The following ERC2 variants were observed in gnomAD, a reference collection of about 807,000 sequenced individuals.
ERC2 encodes the protein ERC protein 2.
A neutral mutation model predicts 114.8 loss-of-function variants in ERC2; 42 were observed. The ratio of observed to expected loss-of-function variants is 0.37; its 90% confidence interval spans 0.29 to 0.47. The LOEUF is 0.47. Among genes scored for constraint, ERC2 ranks in the 20% least tolerant of loss-of-function variants. ERC2 has a pLI of 0.99. For missense variants in ERC2, 939 were observed against 1,150.7 expected (o/e 0.82, Z 2.66); for synonymous variants, 454 against 425.5 (o/e 1.07, Z -0.82).
intron 7 of ERC2, among the ~76,000 whole-genome samples, chr3:56,069,896 G>A (rs1519032): frequency 0.93 from 141,735 of 152,214 alleles, 66,334 homozygotes; most frequent in East Asian, 1. Context: ...TTAGTCTGCA[G>A]AAGTTGTAGT....
chr3:56,245,887 G>A lies in ERC2; in HGVS notation c.1074+50132C>T, dbSNP rs2051662007. 2.0e-5 allele frequency among the ~76,000 whole-genome samples: 3 copies of A among 152,012 alleles called. No individual in the cohort carries two copies. The South Asian group carries it at 6.2e-4, about 31-fold the overall frequency. ...ACAAAATTTCCTTCCCTACCTGAAT[G>A]CTCCTTTATGAGATAGCTCCAGACA... is the stretch of plus-strand genomic sequence containing the variant. On this transcript the variant is annotated intron_variant, in intron 3 of 17. Transcript: ENST00000288221.
chr3:56,235,817 G>A (rs1411318894), intron 3 of ERC2, among the ~76,000 whole-genome samples: 1 of 152,214 alleles, frequency 6.6e-6, no homozygotes, highest in African/African-American at 2.4e-5. Flanking sequence ...CATGTGGCTA[G>A]CGGCTACCAT....
chr3:55,529,741 T>G (rs1039657046), intron 17 of ERC2, among the ~76,000 whole-genome samples: 1 of 152,188 alleles, frequency 6.6e-6, no homozygotes, highest in African/African-American at 2.4e-5. Flanking sequence ...GGGGAGAAAC[T>G]GCTGCATCAC....
intron 14 of ERC2, among the ~76,000 whole-genome samples, chr3:55,775,698 A>T (rs561965360): frequency 6.6e-6 from 1 of 152,320 alleles, no homozygotes; most frequent in African/African-American, 2.4e-5. Flanking sequence ...GACAGAAAAG[A>T]TACTGAGAGG....
chr3:56,222,167 T>G (rs1470763919), intron 3 of ERC2, among the ~76,000 whole-genome samples: 2 of 152,196 alleles, frequency 1.3e-5, no homozygotes, highest in Non-Finnish European at 2.9e-5. Context: ...CTGAGGGTAC[T>G]ACATCCATGT....
intron 2 of ERC2, among the ~76,000 whole-genome samples, chr3:56,369,025 C>T (rs2059261239): frequency 6.6e-6 from 1 of 152,164 alleles, no homozygotes; most frequent in East Asian, 1.9e-4. Context: ...AAGTCGCCAG[C>T]TTTCAGAAGC....
chr3:55,948,454 G>A (rs558332072), intron 13 of ERC2, among the ~76,000 whole-genome samples: 1 of 152,336 alleles, frequency 6.6e-6, no homozygotes, highest in African/African-American at 2.4e-5. Context: ...GAAAGTTTTG[G>A]CAGTAATTAC....
intron 2 of ERC2, among the ~76,000 whole-genome samples, chr3:56,404,631 G>A (rs1485775282): frequency 3.3e-5 from 5 of 151,746 alleles, no homozygotes; most frequent in South Asian, 4.2e-4. Context: ...CATTTTACAC[G>A]TGATTATTAT....
At chr3:55,799,880 C>A (rs1393064989) in intron 14 of ERC2, among the ~76,000 whole-genome samples, 2 of 152,058 alleles carry the variant, frequency 1.3e-5, no homozygotes, top group African/African-American at 4.8e-5. Flanking sequence ...GTAGGGGTCA[C>A]CATTACTGCT....
chr3:55,893,067 G>T (rs1033516146), intron 13 of ERC2, among the ~76,000 whole-genome samples: 5 of 152,092 alleles, frequency 3.3e-5, no homozygotes, highest in African/African-American at 4.8e-5. Context: ...TAGGGACACG[G>T]CAAGACGTCA....
At chr3:56,362,544 C>T (rs546071813) in intron 2 of ERC2, among the ~76,000 whole-genome samples, 1 of 152,220 alleles carries the variant, frequency 6.6e-6, no homozygotes, top group Non-Finnish European at 1.5e-5. Context: ...CAGCCACACT[C>T]TAGTTCTGGA....
intron 3 of ERC2, among the ~76,000 whole-genome samples, chr3:56,206,996 G>C (rs1238469504): frequency 6.6e-6 from 1 of 152,196 alleles, no homozygotes; most frequent in African/African-American, 2.4e-5. Context: ...ATCAGAGCTG[G>C]ATGGAGATGA....
At chr3:55,560,629 C>T (rs2055945005) in intron 17 of ERC2, among the ~76,000 whole-genome samples, 1 of 152,192 alleles carries the variant, frequency 6.6e-6, no homozygotes, top group Non-Finnish European at 1.5e-5. Flanking sequence ...TGAGGGACCA[C>T]ACTCCGTGTC....
chr3:56,007,227 T>C lies in ERC2; in HGVS notation c.2015A>G (p.Glu672Gly). ...SKLKSLEIAIEQKKEECSKLE... is the reference protein window; with the variant it reads ...SKLKSLEIAIGQKKEECSKLE... ...TTTGCTACATTCCTCTTTCTTTTGTTCAATGGCTATTTCTAGAGATTTTAA... is the reference window on the plus strand; with the variant it reads ...TTTGCTACATTCCTCTTTCTTTTGTCCAATGGCTATTTCTAGAGATTTTAA... The change falls in exon 10 of 18, where the codon GAA (glutamate) becomes GGA (glycine). Residue 672 changes from glutamate (E) to glycine (G), a missense_variant. Glu to Gly is a moderately conservative substitution (Grantham distance 98). Coordinates refer to ENST00000288221, the MANE Select transcript of ERC2 (RefSeq NM_015576.3). 2 of 1,580,968 alleles carry C rather than the reference T, an allele frequency of 1.3e-6. No individual in the cohort carries two copies. The highest frequency in any genetic ancestry group is 1.7e-6 in the Non-Finnish European group (2 of 1,161,766).
At chr3:55,967,044 C>A (rs2068797710) in intron 12 of ERC2, among the ~76,000 whole-genome samples, 1 of 152,166 alleles carries the variant, frequency 6.6e-6, no homozygotes, top group African/African-American at 2.4e-5. Flanking sequence ...AGACTAAAAA[C>A]TATCTGATAC....
chr3:55,573,494 G>A (rs2056827481), intron 17 of ERC2, among the ~76,000 whole-genome samples: 2 of 152,156 alleles, frequency 1.3e-5, no homozygotes, highest in South Asian at 4.1e-4. Flanking sequence ...AGTGGGGTCT[G>A]CAGCAGCAGC....
At chr3:56,453,916 C>T (rs2062938623) in intron 1 of ERC2, among the ~76,000 whole-genome samples, 1 of 152,174 alleles carries the variant, frequency 6.6e-6, no homozygotes, top group South Asian at 2.1e-4. Context: ...GATCAGTACA[C>T]ATGTGAGTGC....
At chr3:56,284,224 G>T (rs1198086863) in intron 3 of ERC2, among the ~76,000 whole-genome samples, 2 of 152,208 alleles carry the variant, frequency 1.3e-5, no homozygotes, top group Non-Finnish European at 2.9e-5. Context: ...GATAAAACTA[G>T]ATAGAGGACT....
At chr3:55,826,473 T>C (rs1306670165) in intron 14 of ERC2, among the ~76,000 whole-genome samples, 3 of 152,210 alleles carry the variant, frequency 2.0e-5, no homozygotes, top group African/African-American at 7.2e-5. Context: ...GAATTGCCCA[T>C]CTAACAAAAA....
Sources: gnomAD v4.1 joint callset for allele counts (sites outside exome capture counted in the v4.1 genomes callset) on GRCh38, gnomAD v4.1.1 for gene constraint, MANE v1.5 for transcripts, NCBI Gene and HGNC (gene_info 2026-07-23, HGNC 2026-07-21) for gene names.